The following PAK1 variants were observed in gnomAD, a reference collection of about 807,000 sequenced individuals.
The protein encoded by PAK1 is p21 (RAC1) activated kinase 1.
In PAK1, 29 loss-of-function variants were observed where a neutral mutation model predicts 67.4. The observed-to-expected ratio is 0.43, with a 90% CI of 0.32 to 0.59. The LOEUF is 0.59. PAK1 is among the 20% of genes least tolerant of loss of function. The pLI is 0.07. For missense variants in PAK1, 337 were observed against 670.7 expected (o/e 0.50, Z 5.50); for synonymous variants, 223 against 237.4 (o/e 0.94, Z 0.56).
intron 1 of PAK1, among the ~76,000 whole-genome samples, chr11:77,407,917 T>C (rs1195626980): frequency 6.6e-6 from 1 of 152,216 alleles, no homozygotes; most frequent in Admixed American, 6.5e-5. Flanking sequence ...TGTTCTTTTT[T>C]TCATGTCAGC....
chr11:77,502,311 A>T, the PAK1 span, among the ~76,000 whole-genome samples: 34 of 152,234 alleles, frequency 2.2e-4, no homozygotes, highest in African/African-American at 8.0e-4. Context: ...AAATTTTCCC[A>T]TGTCATTAAA....
rs1250286266 is a variant in PAK1, at chr11:77,387,891, G to A, written c.190+4440C>T. Among the ~76,000 whole-genome samples the A allele has an allele frequency of 2.0e-5, 3 of 152,212 alleles. No individual in the cohort carries two copies. The East Asian group carries it at 5.8e-4, about 29-fold the overall frequency. Reference sequence around the variant, plus strand: ...CTTCAAAGACTACCAACACTGCTGTGTATCCTTATAGGACTAAGTTGAGTA... The same window carrying A: ...CTTCAAAGACTACCAACACTGCTGTATATCCTTATAGGACTAAGTTGAGTA... On this transcript the variant is annotated intron_variant, in intron 2 of 14. Coordinates refer to ENST00000356341, the MANE Select transcript of PAK1 (RefSeq NM_002576.5).
chr11:77,332,865 G>T lies in PAK1; in HGVS notation c.1416C>A (p.Ala472=). 1 of 1,613,586 alleles carries T rather than the reference G, an allele frequency of 6.2e-7. No homozygotes were observed. The highest frequency in any genetic ancestry group is 1.1e-5 in the South Asian group (1 of 91,062). ...TCCCATTGGTGGCAATGAGGTACAA[G>T]GCCTGGCAATAAAAATGGTGAATCA... is the stretch of plus-strand genomic sequence containing the variant. ...PPYLNENPLR[A]LYLIATNGTP... is the part of the protein sequence containing the mutation. Residue 472 remains alanine (A), a splice_region_variant and synonymous_variant, in exon 14 of 15, where the codon GCC becomes GCA. Transcript: ENST00000356341.
chr11:77,391,868 T>C (rs1280781676), intron 2 of PAK1, among the ~76,000 whole-genome samples: 1 of 152,220 alleles, frequency 6.6e-6, no homozygotes, highest in African/African-American at 2.4e-5. Flanking sequence ...TTTTCTCAGC[T>C]GTTACTTGCC....
chr11:77,349,546 T>C (rs1461221908), intron 8 of PAK1: 2 of 439,876 alleles, frequency 4.5e-6, no homozygotes, highest in Non-Finnish European at 8.4e-6. Context: ...CTTAAGAAAG[T>C]TATTTAACTT....
chr11:77,325,030 A>G (rs574988160), intron 14 of PAK1, among the ~76,000 whole-genome samples: 3 of 152,236 alleles, frequency 2.0e-5, no homozygotes, highest in Non-Finnish European at 4.4e-5. Flanking sequence ...ACAGATGTGA[A>G]GCTTTTATGA....
At position 77,435,024 on chromosome 11, in the gene PAK1, G is replaced by A. The variant is rs558118265; in HGVS notation, c.-22+38528C>T. Among the ~76,000 whole-genome samples, 32 of 149,276 alleles carry A rather than the reference G, an allele frequency of 2.1e-4. 1 individual carries two copies. In the South Asian group the frequency reaches 4.9e-3, roughly 23 times the overall value. On this transcript the variant is annotated intron_variant, in intron 1 of 14. Transcript: ENST00000356341. ...AAGGATCTTCCTGATTCAGCTTCCCGAAGTGCTGGAATTACAGGCATGAGC... is the reference window on the plus strand; with the variant it reads ...AAGGATCTTCCTGATTCAGCTTCCCAAAGTGCTGGAATTACAGGCATGAGC...
At chr11:77,482,415 A>T in the PAK1 span, among the ~76,000 whole-genome samples, 3 of 152,292 alleles carry the variant, frequency 2.0e-5, no homozygotes, top group South Asian at 6.2e-4. Flanking sequence ...GATTATCCTT[A>T]AAAAAGATAT....
intron 5 of PAK1, among the ~76,000 whole-genome samples, chr11:77,361,416 AG>A (rs1172117964): frequency 2.0e-5 from 3 of 152,200 alleles, no homozygotes; most frequent in Non-Finnish European, 4.4e-5. Flanking sequence ...AAAGTTAGTA[AG>A]GGGAAGTAAG....
chr11:77,374,482 A>G, intron 4 of PAK1, 117 bp from the exon 5 acceptor site: 1 of 704,908 alleles, frequency 1.4e-6, no homozygotes, highest in East Asian at 2.6e-5. Context: ...TAGTAATAGT[A>G]TGACTGGTAC....
At chr11:77,505,361 T>A in the PAK1 span, among the ~76,000 whole-genome samples, 1 of 152,102 alleles carries the variant, frequency 6.6e-6, no homozygotes, top group African/African-American at 2.4e-5. Context: ...CTAATTTTTA[T>A]ATTCGTAGTA....
the PAK1 span, among the ~76,000 whole-genome samples, chr11:77,519,966 C>T: frequency 6.6e-6 from 1 of 152,176 alleles, no homozygotes; most frequent in African/African-American, 2.4e-5. Context: ...GGCCACCACA[C>T]AGGAATTGGA....
chr11:77,454,109 A>C (rs1046045594), intron 1 of PAK1, among the ~76,000 whole-genome samples: 3 of 152,196 alleles, frequency 2.0e-5, no homozygotes, highest in Non-Finnish European at 4.4e-5. Context: ...ACCTTAGCCA[A>C]GTATCATCAT....
the PAK1 span, among the ~76,000 whole-genome samples, chr11:77,494,725 G>T: frequency 6.6e-6 from 1 of 152,060 alleles, no homozygotes; most frequent in African/African-American, 2.4e-5. Context: ...TTTCTTTACA[G>T]ATTTAAAAAT....
chr11:77,411,408 GC>G (rs972591950), intron 1 of PAK1, among the ~76,000 whole-genome samples: 13 of 151,792 alleles, frequency 8.6e-5, no homozygotes, highest in Admixed American at 8.5e-4. Context: ...ACACAGAAAA[GC>G]CCCCACAGTC....
chr11:77,486,876 C>CA, the PAK1 span, among the ~76,000 whole-genome samples: 151,533 of 152,330 alleles, frequency 0.99, 75,371 homozygotes, highest in Middle Eastern at 1. Flanking sequence ...GTCTAAGCCA[C>CA]AGGACTGCAA....
chr11:77,499,455 T>G, the PAK1 span, among the ~76,000 whole-genome samples: 1 of 152,202 alleles, frequency 6.6e-6, no homozygotes, highest in Non-Finnish European at 1.5e-5. Flanking sequence ...TCATACAGTT[T>G]TAGAGATGTC....
chr11:77,323,301 A>C lies in PAK1; in HGVS notation c.1611T>G (p.Ala537=). 1 of 1,614,040 alleles carries C rather than the reference A, an allele frequency of 6.2e-7. No homozygotes were observed. The highest frequency in any genetic ancestry group is 8.5e-7 in the Non-Finnish European group (1 of 1,179,924). Reference sequence around the variant, plus strand: ...AGTGATTGTTCTTTGTTGCCTCCTTAGCTGCAGCAATCAGTGGAGTGAGGC... The same window carrying C: ...AGTGATTGTTCTTTGTTGCCTCCTTCGCTGCAGCAATCAGTGGAGTGAGGC... ...LSSLTPLIAA[A]KEATKNNH is the part of the protein sequence containing the mutation. The change falls in exon 15 of 15, where the codon GCT becomes GCG. Residue 537 remains alanine (A), a synonymous_variant. Coordinates refer to ENST00000356341, the MANE Select transcript of PAK1 (RefSeq NM_002576.5).
intron 8 of PAK1, 89 bp downstream of exon 8, chr11:77,353,447 T>C: frequency 1.2e-6 from 1 of 864,168 alleles, no homozygotes; most frequent in South Asian, 1.4e-5. Context: ...GAACAAGGTT[T>C]ATGAGAGGCA....
Sources: allele counts gnomAD v4.1 joint callset (sites outside exome capture counted in the v4.1 genomes callset), GRCh38; gene constraint gnomAD v4.1.1; transcripts MANE v1.5; gene names NCBI Gene and HGNC (gene_info 2026-07-23, HGNC 2026-07-21).